RASA3: variants seen among roughly 807,000 people sequenced by gnomAD.
The protein encoded by RASA3 is ras GTPase-activating protein 3.
In RASA3, 73 loss-of-function variants were observed where a neutral mutation model predicts 110.0. The observed-to-expected ratio is 0.66, with a 90% confidence interval of 0.55 to 0.81. The LOEUF (loss-of-function observed/expected upper bound fraction) is 0.81. RASA3 is among the 30% of genes least tolerant of loss of function. RASA3 has a pLI of 0.00. For missense variants in RASA3, 976 were observed against 1,113.2 expected (o/e 0.88, Z 1.75); for synonymous variants, 500 against 451.4 (o/e 1.11, Z -1.37).
rs1160842336 is a variant in RASA3 at position 114,000,489 on chromosome 13, C to T, written c.1849+337G>A. 3.3e-5 allele frequency among the ~76,000 whole-genome samples: 5 copies of T among 152,166 alleles called. No individual in the cohort carries two copies. The East Asian group carries it at 7.7e-4, about 23-fold the overall frequency. ...AGGGGCAGGAGGTGGTGGGAAGCCC[C>T]GTCTACCTCGGCGGAGCGGCACCCT... On this transcript the variant is annotated intron_variant, in intron 19 of 23. Coordinates refer to ENST00000334062, the MANE Select transcript of RASA3 (RefSeq NM_007368.4).
At chr13:113,984,700 CCCATCACTCACCCTGTCCATCCAT>C (rs1168822191) in intron 22 of RASA3, among the ~76,000 whole-genome samples, 5 of 103,076 alleles carry the variant, frequency 4.9e-5, no homozygotes, top group African/African-American at 1.6e-4. Flanking sequence ...TGTCTATCCA[CCCATCACTCACCCTGTCCATCCAT>C]CCATCACTCA....
rs561811718 is a variant in RASA3, at chr13:114,027,875, C to T, written c.502G>A (p.Ala168Thr). 7 of 1,613,888 alleles carry T rather than the reference C, an allele frequency of 4.3e-6. No homozygotes were observed. The highest frequency in any genetic ancestry group is 4.5e-5 in the East Asian group (2 of 44,880). Residue 168 changes from alanine to threonine, a missense_variant, in exon 6 of 24, where the codon GCC becomes ACC. Ala to Thr is a moderately conservative substitution (Grantham distance 58). Coordinates refer to ENST00000334062, the MANE Select transcript of RASA3 (RefSeq NM_007368.4). The stretch of plus-strand genomic sequence containing the variant: ...AAGGGTCCTGCCAGCGTCACGGTGG[C>T]GTAGGGGTCACATTGCCCATTCACG... ...PIVNGQCDPY[A>T]TVTLAGPFRS...
intron 21 of RASA3, 62 bp from the exon 22 acceptor site, chr13:113,992,650 T>C: frequency 1.6e-6 from 2 of 1,219,146 alleles, no homozygotes; most frequent in Non-Finnish European, 2.4e-6. Context: ...CTTTTAATAA[T>C]GACATTCATT....
At chr13:114,078,062 G>A (rs1000919595) in intron 1 of RASA3, 1 of 929,006 alleles carries the variant, frequency 1.1e-6, no homozygotes, top group Non-Finnish European at 1.3e-6. Context: ...GGAGCCTGCT[G>A]GACGCACCAA....
chr13:114,104,885 ACTCCCCTCCCCACACACGTTCGCCCC>A (rs1183300568), intron 1 of RASA3, among the ~76,000 whole-genome samples: 13 of 45,104 alleles, frequency 2.9e-4, no homozygotes, highest in Admixed American at 5.3e-4. Flanking sequence ...CACGCTACCC[ACTCCCCTCCCCACACACGTTCGCCCC>A]CTCCCCTCCC....
chr13:114,080,708 C>CTCCCCCAGGGGCCACTGAAACAGGGGTT (rs2139692573), intron 1 of RASA3, among the ~76,000 whole-genome samples: 1 of 152,210 alleles, frequency 6.6e-6, no homozygotes, highest in Non-Finnish European at 1.5e-5. Context: ...AAACAGGGGT[C>CTCCCCCAGGGGCCACTGAAACAGGGGTT]TCCCCCAGGG....
chr13:114,104,041 C>T (rs531313570), intron 1 of RASA3, among the ~76,000 whole-genome samples: 2 of 61,502 alleles, frequency 3.3e-5, no homozygotes, highest in Admixed American at 1.6e-4. Context: ...CACCCACCCC[C>T]GATGCGTCCA....
intron 9 of RASA3, among the ~76,000 whole-genome samples, chr13:114,020,988 G>A (rs971483949): frequency 3.3e-5 from 5 of 152,140 alleles, no homozygotes; most frequent in Non-Finnish European, 5.9e-5. Flanking sequence ...TTTCACCCAG[G>A]ATCAGACCCC....
chr13:114,132,035 G>A (rs1372755650), intron 1 of RASA3, among the ~76,000 whole-genome samples: 1 of 152,138 alleles, frequency 6.6e-6, no homozygotes, highest in African/African-American at 2.4e-5. Flanking sequence ...CCCGACGTCA[G>A]TGGATTTGAC....
At chr13:114,036,034 G>A (rs2054272376) in intron 4 of RASA3, 1 of 152,252 alleles carries the variant, frequency 6.6e-6, no homozygotes, top group Non-Finnish European at 1.5e-5. Context: ...ATCCCCTGCA[G>A]GGCTGTGCTA....
intron 1 of RASA3, among the ~76,000 whole-genome samples, chr13:114,079,455 A>C (rs2079744885): frequency 6.6e-6 from 1 of 152,194 alleles, no homozygotes; most frequent in South Asian, 2.1e-4. Context: ...CCCAACGCAA[A>C]ACATTCAAAG....
chr13:114,108,362 C>T, intron 1 of RASA3, among the ~76,000 whole-genome samples: 1 of 148,400 alleles, frequency 6.7e-6, no homozygotes, highest in East Asian at 2.0e-4. Context: ...GTGTCCATCA[C>T]CCCGCGTCCA....
intron 1 of RASA3, among the ~76,000 whole-genome samples, chr13:114,110,878 G>C (rs1222950243): frequency 6.6e-6 from 1 of 152,222 alleles, no homozygotes; most frequent in East Asian, 1.9e-4. Flanking sequence ...GGTGTCCCAG[G>C]TCGGGGGCAG....
intron 1 of RASA3, among the ~76,000 whole-genome samples, chr13:114,126,831 C>G (rs970346212): frequency 6.6e-6 from 1 of 151,892 alleles, no homozygotes; most frequent in Non-Finnish European, 1.5e-5. Context: ...GAAACCAAGG[C>G]AGAGAGAGGT....
chr13:114,033,089 C>T (rs1292564191), intron 4 of RASA3, among the ~76,000 whole-genome samples: 4 of 39,676 alleles, frequency 1.0e-4, no homozygotes, highest in African/African-American at 2.3e-4. Context: ...TGATACCATG[C>T]CCCACAGCAC....
intron 1 of RASA3, among the ~76,000 whole-genome samples, chr13:114,132,061 G>A (rs981516112): frequency 2.6e-5 from 4 of 152,014 alleles, no homozygotes; most frequent in African/African-American, 9.7e-5. Context: ...AAGTGCAGGC[G>A]CCCAGACAGC....
intron 3 of RASA3, among the ~76,000 whole-genome samples, chr13:114,050,245 C>T (rs944385653): frequency 1.3e-5 from 2 of 152,228 alleles, no homozygotes; most frequent in African/African-American, 4.8e-5. Context: ...ACCGACAAGG[C>T]TCCATGAAGC....
chr13:114,070,851 C>T (rs1594421126), intron 2 of RASA3, among the ~76,000 whole-genome samples: 3 of 135,318 alleles, frequency 2.2e-5, no homozygotes, highest in South Asian at 5.1e-4. Flanking sequence ...CGCTAAACGG[C>T]GCCACAGTTT....
At chr13:114,080,629 G>T (rs2079768592) in intron 1 of RASA3, among the ~76,000 whole-genome samples, 1 of 84,866 alleles carries the variant, frequency 1.2e-5, no homozygotes, top group Non-Finnish European at 2.3e-5. Flanking sequence ...CCTAGAAGGC[G>T]CCCACTGTGC....
Sources: gnomAD v4.1 joint callset for allele counts (sites outside exome capture counted in the v4.1 genomes callset) on GRCh38, gnomAD v4.1.1 for gene constraint, MANE v1.5 for transcripts, NCBI Gene and HGNC (gene_info 2026-07-23, HGNC 2026-07-21) for gene names.